The following UHRF1 variants were observed in gnomAD, a reference collection of about 807,000 sequenced individuals.
UHRF1 encodes ubiquitin like with PHD and ring finger domains 1, also known as E3 ubiquitin-protein ligase UHRF1.
UHRF1 carries 9 observed loss-of-function variants against 96.5 expected under a neutral mutation model. The ratio of observed to expected loss-of-function variants is 0.09; its 90% confidence interval spans 0.06 to 0.16. UHRF1 has a LOEUF of 0.16. Among genes scored for constraint, UHRF1 ranks in the 10% least tolerant of loss-of-function variants. UHRF1 has a pLI of 1.00. For missense variants in UHRF1, 626 were observed against 1,131.1 expected (o/e 0.55, Z 6.40); for synonymous variants, 455 against 469.9 (o/e 0.97, Z 0.41).
Position 4,960,830 on chromosome 19 carries a change from T to C in UHRF1, c.*27T>C, listed in dbSNP as rs1241263224. On this transcript the variant is annotated 3_prime_UTR_variant, in exon 17 of 17. Coordinates refer to ENST00000650932, the MANE Select transcript of UHRF1 (RefSeq NM_001048201.3). ...CTCCAAGCACTTCTCGACAGGCGTT[T>C]TGCTGAAAACGTGTCGGAGGGCTCG... 1 of 1,388,134 alleles carries C rather than the reference T, an allele frequency of 7.2e-7. No homozygotes were observed. The highest frequency in any genetic ancestry group is 1.5e-5 in the African/African-American group (1 of 68,056). The allele number at this position is 1,388,134 out of a possible 1,614,324, so 86.0% of individuals were successfully genotyped here. A position where few individuals can be genotyped will look rare whatever the true frequency, so the allele number is the denominator to read the frequency against.
chr19:4,912,056 A>T (rs951716021), intron 2 of UHRF1, among the ~76,000 whole-genome samples: 1 of 152,160 alleles, frequency 6.6e-6, no homozygotes, highest in African/African-American at 2.4e-5. Context: ...ATGAGACCTG[A>T]TGATTAATTT....
At chr19:4,941,288 A>G (rs1044055452) in intron 5 of UHRF1, among the ~76,000 whole-genome samples, 14 of 151,238 alleles carry the variant, frequency 9.3e-5, no homozygotes, top group Admixed American at 3.3e-4. Context: ...GCGGGGGTTC[A>G]CCATGTTGGC....
At chr19:4,937,072 T>C (rs2033238939) in intron 5 of UHRF1, among the ~76,000 whole-genome samples, 1 of 152,098 alleles carries the variant, frequency 6.6e-6, no homozygotes, top group Admixed American at 6.6e-5. Flanking sequence ...CTCGCTCTCT[T>C]TTGTTCTCCA....
intron 2 of UHRF1, among the ~76,000 whole-genome samples, chr19:4,927,313 G>T (rs2032902934): frequency 6.8e-6 from 1 of 147,448 alleles, no homozygotes. Flanking sequence ...CCTGGGAGGT[G>T]GAGATTGCAG....
intron 11 of UHRF1, among the ~76,000 whole-genome samples, chr19:4,947,619 G>C (rs2145193408): frequency 7.0e-6 from 1 of 142,918 alleles, no homozygotes; most frequent in Non-Finnish European, 1.5e-5. Context: ...TCATGCCTCA[G>C]CCTCCTGAGT....
intron 5 of UHRF1, among the ~76,000 whole-genome samples, chr19:4,938,336 A>G (rs1004520508): frequency 1.4e-4 from 21 of 152,146 alleles, no homozygotes; most frequent in Non-Finnish European, 1.3e-4. Context: ...CTCTGAGCAT[A>G]AAGTCATTTG....
At chr19:4,953,531 A>G (rs963428947) in intron 13 of UHRF1, among the ~76,000 whole-genome samples, 1 of 152,012 alleles carries the variant, frequency 6.6e-6, no homozygotes, top group African/African-American at 2.4e-5. Flanking sequence ...TGGTGTGATC[A>G]TAGCTCACTA....
intron 11 of UHRF1, 107 bp from the exon 12 acceptor site, chr19:4,950,504 A>G (rs553731990): frequency 7.9e-7 from 1 of 1,266,508 alleles, no homozygotes; most frequent in East Asian, 2.6e-5. Context: ...TCAGCCTCCC[A>G]AAGTGCTGGG....
intron 16 of UHRF1, among the ~76,000 whole-genome samples, chr19:4,957,945 C>A (rs2033901052): frequency 6.6e-6 from 1 of 152,228 alleles, no homozygotes; most frequent in Admixed American, 6.5e-5. Context: ...CCTGCCACCC[C>A]ACGGATCTCC....
intron 16 of UHRF1, among the ~76,000 whole-genome samples, chr19:4,959,988 G>A (rs921045734): frequency 3.9e-5 from 6 of 152,224 alleles, no homozygotes; most frequent in African/African-American, 1.4e-4. Context: ...AGCCTCCCAG[G>A]TAGCTGGGAT....
rs531218196 is a variant in UHRF1 at position 4,947,080 on chromosome 19, C to T, written c.1411-25C>T. 2.7e-5 allele frequency: 40 copies of T among 1,500,802 alleles called. No homozygotes were observed. The African/African-American group carries it at 5.3e-4, about 20-fold the overall frequency. The allele number at this position is 1,500,802 out of a possible 1,614,324, so 93.0% of individuals were successfully genotyped here. On this transcript the variant is annotated intron_variant, in intron 10 of 16. Coordinates refer to ENST00000650932, the MANE Select transcript of UHRF1 (RefSeq NM_001048201.3). ...TTTTTTTTTGCCTCTGCAGAGGGTTCACCCAGCCTTCTTGTCTGTTTCAGG... is the reference window on the plus strand; with the variant it reads ...TTTTTTTTTGCCTCTGCAGAGGGTTTACCCAGCCTTCTTGTCTGTTTCAGG...
chr19:4,947,488 A>C (rs868541983), intron 11 of UHRF1, among the ~76,000 whole-genome samples: 1 of 70,372 alleles, frequency 1.4e-5, no homozygotes, highest in African/African-American at 5.5e-5. Flanking sequence ...GATAATAGAT[A>C]TCTTTTTTTT....
chr19:4,945,660 T>G (rs2033540665), intron 9 of UHRF1, among the ~76,000 whole-genome samples: 1 of 150,988 alleles, frequency 6.6e-6, no homozygotes, highest in Non-Finnish European at 1.5e-5. Flanking sequence ...CAGCTGGTTT[T>G]TTTTTTTTTT....
At position 4,956,811 on chromosome 19, in the gene UHRF1, A is replaced by C. The variant is rs2033868385; in HGVS notation, c.2233A>C (p.Lys745Gln). ...GACCGTGTGCCAGCACAACGTGTGC[A>C]AGGTGAGTAGAGATGGCCGCGGGAG... The part of the protein sequence containing the change: ...ITTVCQHNVC[K>Q]DCLDRSFRAQ... Residue 745 changes from lysine (K) to glutamine (Q), a missense_variant and splice_region_variant, in exon 16 of 17, where the codon AAG (lysine) becomes CAG (glutamine). Lys to Gln is a moderately conservative substitution (Grantham distance 53). Transcript: ENST00000650932. 1 of 1,605,854 alleles carries C rather than the reference A, an allele frequency of 6.2e-7. No homozygotes were observed. Among genetic ancestry groups the C allele is most frequent in the Non-Finnish European group, 8.5e-7 (1 of 1,176,018 alleles).
chr19:4,932,224 T>G (rs1386515438), intron 4 of UHRF1, among the ~76,000 whole-genome samples: 1 of 151,638 alleles, frequency 6.6e-6, no homozygotes, highest in African/African-American at 2.4e-5. Context: ...TGCCCGGCCA[T>G]GCCTGGCTAA....
intron 2 of UHRF1, among the ~76,000 whole-genome samples, chr19:4,912,285 A>G (rs1343897599): frequency 1.3e-5 from 2 of 152,092 alleles, no homozygotes; most frequent in Admixed American, 1.3e-4. Flanking sequence ...CCCTCCTCCT[A>G]TGATGCGTGC....
chr19:4,946,614 A>C (rs1340996712), intron 10 of UHRF1, among the ~76,000 whole-genome samples: 1 of 149,850 alleles, frequency 6.7e-6, no homozygotes, highest in Non-Finnish European at 1.5e-5. Flanking sequence ...ACCGAGTCTC[A>C]TTCTGGCTGG....
At position 4,909,589 on chromosome 19, in the gene UHRF1, G is replaced by A. The variant is rs1475133896; in HGVS notation, c.-77G>A. On this transcript the variant is annotated 5_prime_UTR_variant, in exon 1 of 17. Coordinates refer to ENST00000650932, the MANE Select transcript of UHRF1 (RefSeq NM_001048201.3). Reference sequence around the variant, plus strand: ...CGCGCGGGGTCCGGGCCACGCACGCGGTTTCATCGCCATCCCCAGCCGGGC... The same window carrying A: ...CGCGCGGGGTCCGGGCCACGCACGCAGTTTCATCGCCATCCCCAGCCGGGC... 10 of 650,456 alleles carry A rather than the reference G, an allele frequency of 1.5e-5. No homozygotes were observed. The Admixed American group carries it at 2.4e-4, about 15-fold the overall frequency. The allele number at this position is 650,456 out of a possible 1,614,324, so 40.3% of individuals were successfully genotyped here.
At chr19:4,908,167 C>A (rs2032109924), upstream of UHRF1, among the ~76,000 whole-genome samples, 1 of 152,180 alleles carries the variant, frequency 6.6e-6, no homozygotes. Context: ...TTAACTGAAT[C>A]ACACCTGCAA....
Sources: gnomAD v4.1 joint callset for allele counts (sites outside exome capture counted in the v4.1 genomes callset) on GRCh38, gnomAD v4.1.1 for gene constraint, MANE v1.5 for transcripts, NCBI Gene and HGNC (gene_info 2026-07-23, HGNC 2026-07-21) for gene names.